The following RCOR3 variants were observed in gnomAD, a reference collection of about 807,000 sequenced individuals.
RCOR3 encodes REST corepressor 3.
Under a neutral mutation model 64.1 loss-of-function variants are expected in RCOR3, and 13 were observed. The ratio of observed to expected loss-of-function variants is 0.20; its 90% CI spans 0.13 to 0.32. RCOR3 has a LOEUF of 0.32. RCOR3 is among the 10% of genes least tolerant of loss of function. The pLI, the probability that RCOR3 is intolerant of heterozygous loss-of-function variation, is 1.00. For synonymous variants in RCOR3, 215 were observed against 239.0 expected, an observed-to-expected ratio of 0.90 and a Z score of 0.93; for missense variants, 489 against 701.2, an observed-to-expected ratio of 0.70 and a Z score of 3.42.
At chr1:211,311,988 G>A (rs1000290190) in intron 10 of RCOR3, among the ~76,000 whole-genome samples, 2 of 152,052 alleles carry the variant, frequency 1.3e-5, no homozygotes, top group Admixed American at 1.3e-4. Context: ...ATGAGCACAA[G>A]TGCTCTTCAG....
chr1:211,275,335 C>CT (rs1419408165), intron 4 of RCOR3, among the ~76,000 whole-genome samples: 1 of 151,948 alleles, frequency 6.6e-6, no homozygotes, highest in African/African-American at 2.4e-5. Flanking sequence ...AGGTAGTTAA[C>CT]TTTTTTGTGG....
intron 10 of RCOR3, among the ~76,000 whole-genome samples, chr1:211,304,632 A>G (rs1365784144): frequency 6.6e-6 from 1 of 152,256 alleles, no homozygotes; most frequent in Admixed American, 6.5e-5. Context: ...CTGAATGCTT[A>G]GAAACCTGAT....
At chr1:211,305,943 C>T (rs1177866967) in intron 10 of RCOR3, among the ~76,000 whole-genome samples, 1 of 151,984 alleles carries the variant, frequency 6.6e-6, no homozygotes, top group East Asian at 1.9e-4. Flanking sequence ...TAAAAAGTAA[C>T]CCTGTAAGTT....
At position 211,295,770 on chromosome 1, in the gene RCOR3, T is replaced by C; in HGVS notation, c.1017+17T>C. 5 of 1,543,924 alleles carry C rather than the reference T, an allele frequency of 3.2e-6. No homozygotes were observed. Among genetic ancestry groups the C allele is most frequent in the Non-Finnish European group, 4.5e-6 (5 of 1,116,514 alleles). On this transcript the variant is annotated intron_variant, in intron 9 of 11. Transcript: ENST00000419091. ...CCTCCTGAGGTATGTTATTGAAGGA[T>C]ACATGTGATTAAGTATAGTGAAAAC...
At chr1:211,294,904 G>T (rs1699699429) in intron 8 of RCOR3, among the ~76,000 whole-genome samples, 3 of 151,936 alleles carry the variant, frequency 2.0e-5, no homozygotes, top group Admixed American at 6.6e-5. Flanking sequence ...TTAAGACAGG[G>T]TCTTGCTTTG....
intron 5 of RCOR3, among the ~76,000 whole-genome samples, chr1:211,277,123 T>C (rs1247728703): frequency 6.6e-6 from 1 of 150,784 alleles, no homozygotes; most frequent in Non-Finnish European, 1.5e-5. Context: ...ACAAAAAAAA[T>C]ATTATTTCAA....
chr1:211,308,662 TTTTTTTTTTTGTTTTTTTTTTG>T (rs747887795), intron 10 of RCOR3, among the ~76,000 whole-genome samples: 6 of 49,872 alleles, frequency 1.2e-4, no homozygotes, highest in Non-Finnish European at 1.7e-4. Context: ...TTTGGATGTG[TTTTTTTTTTTGTTTTTTTTTTG>T]TTTTTTTTTT....
At position 211,261,930 on chromosome 1, in the gene RCOR3, A is replaced by AAAAAAAAC. The variant is rs1477815871; in HGVS notation, c.223+1773_223+1774insCAAAAAAA. ...CAGAGTGAGACTCCATCTCAAAAAA[A>AAAAAAAAC]AAAAAAAAAAACTGAATTCAATTCC... On this transcript the variant is annotated intron_variant, in intron 2 of 11. Transcript: ENST00000419091. Among the ~76,000 whole-genome samples, 5 of 147,970 alleles carry AAAAAAAAC rather than the reference A, an allele frequency of 3.4e-5. 1 individual carries two copies. The highest frequency in any genetic ancestry group is 7.5e-5 in the Non-Finnish European group (5 of 66,984).
Position 211,295,066 on chromosome 1 carries a change from T to TTTTTTTG in RCOR3, c.940-609_940-608insTTTTTGT, listed in dbSNP as rs1553259603. Among the ~76,000 whole-genome samples, 30 of 113,310 alleles carry TTTTTTTG rather than the reference T, an allele frequency of 2.6e-4. 2 individuals are homozygous for TTTTTTTG. The highest frequency in any genetic ancestry group is 5.3e-4 in the East Asian group (2 of 3,780). 74.3% of individuals were successfully genotyped at this position (113,310 alleles called of 152,430 possible). Reference sequence around the variant, plus strand: ...CTAATTTTTTTTTTTTTTTTTTTTTTTCATAGAGACAGGTTCTCACTATAT... The same window carrying TTTTTTTG: ...CTAATTTTTTTTTTTTTTTTTTTTTTTTTTTTGTCATAGAGACAGGTTCTCACTATAT... On this transcript the variant is annotated intron_variant, in intron 8 of 11. Coordinates refer to ENST00000419091, the MANE Select transcript of RCOR3 (RefSeq NM_001136223.3).
At chr1:211,274,896 A>G (rs1463324275) in intron 4 of RCOR3, among the ~76,000 whole-genome samples, 3 of 151,832 alleles carry the variant, frequency 2.0e-5, no homozygotes, top group Non-Finnish European at 4.4e-5. Context: ...TTGGCTACCC[A>G]CAGATTGGTC....
chr1:211,284,527 T>G (rs1409983888), intron 7 of RCOR3, among the ~76,000 whole-genome samples: 1 of 67,398 alleles, frequency 1.5e-5, no homozygotes, highest in African/African-American at 6.5e-5. Context: ...TATTTATTTA[T>G]GTATTTATTT....
At chr1:211,267,868 T>A (rs889563894) in intron 2 of RCOR3, 1 of 388,794 alleles carries the variant, frequency 2.6e-6, no homozygotes, top group Non-Finnish European at 5.0e-6. Context: ...GCTGGGATTA[T>A]AGGTAAGAGC....
At position 211,313,334 on chromosome 1, in the gene RCOR3, TTTG is replaced by T. The variant is rs1701678814; in HGVS notation, c.1318-87_1318-85del. The T allele has an allele frequency of 3.4e-6, 5 of 1,491,772 alleles. No homozygotes were observed. Among genetic ancestry groups the T allele is most frequent in the Non-Finnish European group, 4.4e-6 (5 of 1,124,454 alleles). The allele number at this position is 1,491,772 out of a possible 1,614,324, so 92.4% of individuals were successfully genotyped here. The stretch of plus-strand genomic sequence containing the variant: ...ATGTTTTTGTTTTGTTTTGATTTGT[TTTG>T]TTTTTCCTGTGACAGCCCAAACTAT... On this transcript the variant is annotated intron_variant, in intron 11 of 11. Coordinates refer to ENST00000419091, the MANE Select transcript of RCOR3 (RefSeq NM_001136223.3). This position sits in a 1 kb window ranked among gnomAD's most constrained non-coding sequence, Gnocchi z 4.7.
chr1:211,263,480 C>T (rs1694710896), intron 2 of RCOR3, among the ~76,000 whole-genome samples: 1 of 152,164 alleles, frequency 6.6e-6, no homozygotes, highest in Non-Finnish European at 1.5e-5. Context: ...GGATAAACAT[C>T]ACTTTCTGTA....
Position 211,312,676 on chromosome 1 carries a change from CCTT to C in RCOR3, c.1076-43_1076-41del. On this transcript the variant is annotated intron_variant, in intron 10 of 11. Transcript: ENST00000419091. The surrounding 1 kb of genome is among the most constrained non-coding windows in gnomAD (Gnocchi z 5.0). ...CATGATGTATAGTACACACAGCTCT[CCTT>C]ATTGATCCTTCACAGGTGTATTATT... The C allele has an allele frequency of 7.4e-7, 1 of 1,360,014 alleles. No individual in the cohort carries two copies. Among genetic ancestry groups the C allele is most frequent in the Middle Eastern group, 1.8e-4 (1 of 5,500 alleles). 84.2% of individuals were successfully genotyped at this position (1,360,014 alleles called of 1,614,324 possible). A position where few individuals can be genotyped will look rare whatever the true frequency, so the allele number is the denominator to read the frequency against.
At chr1:211,297,865 A>T (rs901908456) in intron 9 of RCOR3, among the ~76,000 whole-genome samples, 7 of 152,238 alleles carry the variant, frequency 4.6e-5, no homozygotes, top group Admixed American at 4.6e-4. Context: ...CCTTACCTTT[A>T]GTTTAAACCA....
chr1:211,274,312 A>C, intron 4 of RCOR3, 50 bp downstream of exon 4: 1 of 1,235,968 alleles, frequency 8.1e-7, no homozygotes, highest in Non-Finnish European at 1.2e-6. Context: ...TATTTACCAA[A>C]TCTAGATTAT....
intron 9 of RCOR3, among the ~76,000 whole-genome samples, chr1:211,298,856 A>T (rs1429171906): frequency 6.6e-6 from 1 of 152,080 alleles, no homozygotes; most frequent in Non-Finnish European, 1.5e-5. Flanking sequence ...AATACAAAAA[A>T]ATTAGCCAGG....
chr1:211,260,401 C>G (rs1571739563), intron 2 of RCOR3, among the ~76,000 whole-genome samples: 1 of 152,336 alleles, frequency 6.6e-6, no homozygotes, highest in African/African-American at 2.4e-5. Context: ...CTGGGGGCAT[C>G]GCCTTCCTAG....
Sources: allele counts gnomAD v4.1 joint callset (sites outside exome capture counted in the v4.1 genomes callset), GRCh38; gene constraint gnomAD v4.1.1; non-coding constraint Gnocchi (gnomAD v3.1); transcripts MANE v1.5; gene names NCBI Gene and HGNC (gene_info 2026-07-23, HGNC 2026-07-21).